The following SLC20A2 variants were observed in gnomAD, a reference collection of about 807,000 sequenced individuals.
SLC20A2 encodes the protein sodium-dependent phosphate transporter 2.
Under a neutral mutation model 61.0 loss-of-function variants are expected in SLC20A2, and 30 were observed. That is an observed-to-expected ratio of 0.49 (90% confidence interval 0.37 to 0.67). The LOEUF (loss-of-function observed/expected upper bound fraction) is 0.67. SLC20A2 is among the 30% of genes least tolerant of loss of function. SLC20A2 has a pLI of 0.00. For synonymous variants in SLC20A2, 351 were observed against 353.3 expected (o/e 0.99, Z 0.07); for missense variants, 626 against 866.4 (o/e 0.72, Z 3.48).
intron 10 of SLC20A2, among the ~76,000 whole-genome samples, chr8:42,426,427 G>A (rs1803415870): frequency 6.6e-6 from 1 of 152,156 alleles, no homozygotes; most frequent in Non-Finnish European, 1.5e-5. Context: ...CAGGCACGGT[G>A]GCTCACGCCT....
intron 5 of SLC20A2, among the ~76,000 whole-genome samples, chr8:42,447,612 A>AG (rs1189470703): frequency 6.6e-6 from 1 of 150,526 alleles, no homozygotes; most frequent in Non-Finnish European, 1.5e-5. Context: ...CGGAAGGTGG[A>AG]GCTGCAGTGA....
In SLC20A2 at chr8:42,454,621, A is replaced by T. The variant is rs1394685471; in HGVS notation, c.613+5275T>A. Among the ~76,000 whole-genome samples the T allele has an allele frequency of 1.1e-4, 16 of 144,574 alleles. No individual in the cohort carries two copies. The South Asian group carries it at 2.0e-3, about 18-fold the overall frequency. The allele number at this position is 144,574 out of a possible 152,430, so 94.8% of individuals were successfully genotyped here. On this transcript the variant is annotated intron_variant, in intron 5 of 10. Coordinates refer to ENST00000520262, the MANE Select transcript of SLC20A2 (RefSeq NM_001257180.2). ...AATGAACTTCAAGATCCTTACACAGATTTTTTTTTTTTTTTGAGACAGGGC... is the reference window on the plus strand; with the variant it reads ...AATGAACTTCAAGATCCTTACACAGTTTTTTTTTTTTTTTTGAGACAGGGC...
intron 1 of SLC20A2, chr8:42,480,554 T>C (rs1808480035): frequency 6.6e-6 from 1 of 152,254 alleles, no homozygotes; most frequent in South Asian, 2.1e-4. Flanking sequence ...ATTCCTTTAT[T>C]TATCTTTTTC....
chr8:42,427,888 G>A (rs2130952402), intron 10 of SLC20A2, among the ~76,000 whole-genome samples: 1 of 152,320 alleles, frequency 6.6e-6, no homozygotes, highest in African/African-American at 2.4e-5. Flanking sequence ...CTGCTCCCAA[G>A]CAGCAAACAC....
At position 42,416,551 on chromosome 8, in the gene SLC20A2, T is replaced by C. The variant is rs1209986466; in HGVS notation, c.*1252A>G. ...TGACAATGAAGTACCAAGAAAATGTTTGTCAATATAAAAATTTTAGCAGCA... is the reference window on the plus strand; with the variant it reads ...TGACAATGAAGTACCAAGAAAATGTCTGTCAATATAAAAATTTTAGCAGCA... On this transcript the variant is annotated 3_prime_UTR_variant, in exon 11 of 11. Transcript: ENST00000520262. 1 of 152,582 alleles carries C rather than the reference T, an allele frequency of 6.6e-6. No homozygotes were observed. Among genetic ancestry groups the C allele is most frequent in the East Asian group, 1.9e-4 (1 of 5,194 alleles). 9.5% of individuals were successfully genotyped at this position (152,582 alleles called of 1,614,324 possible).
chr8:42,505,731 C>T (rs1810642981), upstream of SLC20A2, among the ~76,000 whole-genome samples: 1 of 151,756 alleles, frequency 6.6e-6, no homozygotes, highest in Admixed American at 6.6e-5. Context: ...AACCCCGTCT[C>T]TACAAAAAAC....
At chr8:42,491,519 A>T (rs1336996007) in intron 1 of SLC20A2, among the ~76,000 whole-genome samples, 2 of 151,980 alleles carry the variant, frequency 1.3e-5, no homozygotes, top group African/African-American at 4.8e-5. Flanking sequence ...AAAAAAAAAA[A>T]AATTAGCTGG....
chr8:42,472,171 T>C lies in SLC20A2; in HGVS notation c.220A>G (p.Ile74Val), dbSNP rs1807693104. The change falls in exon 2 of 11, where the codon ATC becomes GTC. Residue 74 changes from isoleucine (I) to valine (V), a missense_variant. Physicochemically the swap from Ile to Val is conservative, Grantham distance 29. Transcript: ENST00000520262. The surrounding 1 kb of genome is among the most constrained non-coding windows in gnomAD (Gnocchi z 4.1). ...AKVGETIRKG[I>V]IDVNLYNETV... ...TCGTTGTACAGGTTCACGTCAATGATACCTTTGCGAATGGTTTCTCCTACT... is the reference window on the plus strand; with the variant it reads ...TCGTTGTACAGGTTCACGTCAATGACACCTTTGCGAATGGTTTCTCCTACT... The C allele has an allele frequency of 1.9e-6, 3 of 1,614,172 alleles. No homozygotes were observed. Among genetic ancestry groups the C allele is most frequent in the African/African-American group, 1.3e-5 (1 of 75,048 alleles).
intron 1 of SLC20A2, among the ~76,000 whole-genome samples, chr8:42,514,151 T>C (rs549880777): frequency 1.3e-5 from 2 of 152,340 alleles, no homozygotes; most frequent in African/African-American, 4.8e-5. Flanking sequence ...TGACGGCCTG[T>C]TATTTGTTAG....
At chr8:42,471,889 A>G (rs1586139048) in intron 2 of SLC20A2, among the ~76,000 whole-genome samples, 1 of 152,226 alleles carries the variant, frequency 6.6e-6, no homozygotes, top group Non-Finnish European at 1.5e-5. Flanking sequence ...AGTTTGCTCA[A>G]AAGTTCAGAA....
chr8:42,444,743 G>C lies in SLC20A2; in HGVS notation c.633C>G (p.Pro211=). 6.2e-7 allele frequency: 1 copy of C among 1,613,730 alleles called. No homozygotes were observed. The highest frequency in any genetic ancestry group is 8.5e-7 in the Non-Finnish European group (1 of 1,179,682). Reference sequence around the variant, plus strand: ...AGGAAATGAGGGCTATGGCCCACATGGGGAGAACAAGGCCGAGCACTGGGA... The same window carrying C: ...AGGAAATGAGGGCTATGGCCCACATCGGGAGAACAAGGCCGAGCACTGGGA... ...TGAPVLGLVL[P]MWAIALISFG... Residue 211 remains proline, a synonymous_variant, in exon 6 of 11, where the codon CCC becomes CCG. Transcript: ENST00000520262.
chr8:42,468,499 G>A (rs1563493513), intron 2 of SLC20A2, among the ~76,000 whole-genome samples: 1 of 152,196 alleles, frequency 6.6e-6, no homozygotes, highest in Non-Finnish European at 1.5e-5. Flanking sequence ...GTAGGTGATA[G>A]CACCTTAGCC....
At chr8:42,532,151 C>T (rs1812375732) in intron 1 of SLC20A2, among the ~76,000 whole-genome samples, 1 of 152,044 alleles carries the variant, frequency 6.6e-6, no homozygotes, top group African/African-American at 2.4e-5. Flanking sequence ...TTGTTAACTA[C>T]TGAAGGTCTT....
chr8:42,504,506 G>T (rs558500298), upstream of SLC20A2, among the ~76,000 whole-genome samples: 13 of 152,000 alleles, frequency 8.6e-5, no homozygotes, highest in South Asian at 1.5e-3. Context: ...GAGAGAAGAA[G>T]AATTTCATTG....
At chr8:42,474,996 G>A (rs994401828) in intron 1 of SLC20A2, among the ~76,000 whole-genome samples, 13 of 152,144 alleles carry the variant, frequency 8.5e-5, no homozygotes, top group Non-Finnish European at 1.8e-4. Flanking sequence ...AGGCAGGCCC[G>A]GGTGAGGGGA....
intron 1 of SLC20A2, among the ~76,000 whole-genome samples, chr8:42,493,162 A>T (rs1159282883): frequency 6.6e-6 from 1 of 152,222 alleles, no homozygotes; most frequent in Non-Finnish European, 1.5e-5. Flanking sequence ...CACTGTATAA[A>T]GCAGGTGGAA....
chr8:42,537,370 C>CAAAAAAA, intron 1 of SLC20A2, among the ~76,000 whole-genome samples: 1 of 86,184 alleles, frequency 1.2e-5, no homozygotes, highest in Non-Finnish European at 2.3e-5. Context: ...GACCCTGTCT[C>CAAAAAAA]AAAAAAAAAA....
At chr8:42,461,716 CTT>C (rs1806716638) in intron 4 of SLC20A2, among the ~76,000 whole-genome samples, 2 of 152,190 alleles carry the variant, frequency 1.3e-5, no homozygotes, top group South Asian at 4.1e-4. Context: ...CCTAAAATAA[CTT>C]AGTCTTGAAA....
Position 42,485,498 on chromosome 8 carries a change from C to T in SLC20A2, c.-264-12844G>A, listed in dbSNP as rs1271702304. 4.0e-5 allele frequency among the ~76,000 whole-genome samples: 6 copies of T among 151,504 alleles called. No individual in the cohort carries two copies. In the East Asian group the frequency reaches 5.8e-4, roughly 15 times the overall value. ...CTCTACTAAAAATACAAAAATTGGC[C>T]GGGTGTAGTGGCGGGCGCCTGTAAT... is the stretch of plus-strand genomic sequence containing the variant. On this transcript the variant is annotated intron_variant, in intron 1 of 10. Transcript: ENST00000520262.
Sources: allele counts gnomAD v4.1 joint callset (sites outside exome capture counted in the v4.1 genomes callset), GRCh38; gene constraint gnomAD v4.1.1; non-coding constraint Gnocchi (gnomAD v3.1); transcripts MANE v1.5; gene names NCBI Gene and HGNC (gene_info 2026-07-23, HGNC 2026-07-21).